Variants in PTPN1 observed in about 807,000 individuals in gnomAD.
PTPN1 encodes the protein protein tyrosine phosphatase non-receptor type 1.
Under a neutral mutation model 59.9 loss-of-function variants are expected in PTPN1, and 12 were observed. That is an observed-to-expected ratio of 0.20 (90% confidence interval 0.13 to 0.32). The LOEUF is 0.32. Ranked by LOEUF, PTPN1 falls within the 10% of genes least tolerant of loss-of-function variation. The pLI is 1.00. For missense variants in PTPN1, 356 were observed against 549.2 expected, an observed-to-expected ratio of 0.65 and a Z score of 3.52; for synonymous variants, 178 against 203.6, an observed-to-expected ratio of 0.87 and a Z score of 1.07.
At chr20:50,537,514 C>T (rs753762173) in intron 1 of PTPN1, among the ~76,000 whole-genome samples, 1 of 152,152 alleles carries the variant, frequency 6.6e-6, no homozygotes, top group Non-Finnish European at 1.5e-5. Context: ...CTCGTATCCA[C>T]GTGTGTATGC....
rs1306213715 is a variant in PTPN1, at chr20:50,568,095, A to G, written c.256-285A>G. Among the ~76,000 whole-genome samples, 1 of 152,218 alleles carries G rather than the reference A, an allele frequency of 6.6e-6. No homozygotes were observed. The highest frequency in any genetic ancestry group is 6.5e-5 in the Admixed American group (1 of 15,290). On this transcript the variant is annotated intron_variant, in intron 3 of 9. Coordinates refer to ENST00000371621, the MANE Select transcript of PTPN1 (RefSeq NM_002827.4). The surrounding 1 kb of genome is among the most constrained non-coding windows in gnomAD (Gnocchi z 5.6). ...GGGACGAATCTCAGTGGAGGCCCTTAGCGGGCCTGCCTGAGCCAGAAAGCA... is the reference window on the plus strand; with the variant it reads ...GGGACGAATCTCAGTGGAGGCCCTTGGCGGGCCTGCCTGAGCCAGAAAGCA...
At chr20:50,531,635 C>T (rs2122736956) in intron 1 of PTPN1, among the ~76,000 whole-genome samples, 1 of 152,306 alleles carries the variant, frequency 6.6e-6, no homozygotes, top group Middle Eastern at 3.4e-3. Context: ...CCTCAGCCTC[C>T]CAAAGTGCTG....
intron 1 of PTPN1, among the ~76,000 whole-genome samples, chr20:50,514,944 A>G (rs1179891998): frequency 1.3e-5 from 2 of 152,110 alleles, no homozygotes; most frequent in East Asian, 1.9e-4. Context: ...GTTGGTCACT[A>G]TGGCATCCTT....
rs6096008 is a variant in PTPN1 at position 50,568,102 on chromosome 20, C to A, written c.256-278C>A. On this transcript the variant is annotated intron_variant, in intron 3 of 9. Transcript: ENST00000371621. This position sits in a 1 kb window ranked among gnomAD's most constrained non-coding sequence, Gnocchi z 5.6. Reference sequence around the variant, plus strand: ...ATCTCAGTGGAGGCCCTTAGCGGGCCTGCCTGAGCCAGAAAGCAGAATCGG... The same window carrying A: ...ATCTCAGTGGAGGCCCTTAGCGGGCATGCCTGAGCCAGAAAGCAGAATCGG... Among the ~76,000 whole-genome samples the A allele has an allele frequency of 6.6e-6, 1 of 152,242 alleles. No homozygotes were observed. The highest frequency in any genetic ancestry group is 6.5e-5 in the Admixed American group (1 of 15,286).
At chr20:50,547,992 A>T (rs543972343) in intron 1 of PTPN1, among the ~76,000 whole-genome samples, 1 of 152,348 alleles carries the variant, frequency 6.6e-6, no homozygotes, top group Non-Finnish European at 1.5e-5. Flanking sequence ...TTAATGCTCT[A>T]TTAAGCTTCC....
rs141248498 is a variant in PTPN1, at chr20:50,579,191, T to C, written c.726T>C (p.Ser242=). The change falls in exon 7 of 10, where the codon TCT becomes TCC. Residue 242 remains serine (S), a synonymous_variant. Transcript: ENST00000371621. ...LLLMDKRKDP[S]SVDIKKVLLE... ...AGATGGACAAGAGGAAAGACCCTTC[T>C]TCCGTTGATATCAAGAAAGTGCTGT... 9 of 1,614,140 alleles carry C rather than the reference T, an allele frequency of 5.6e-6. No homozygotes were observed. The African/African-American group carries it at 6.7e-5, about 12-fold the overall frequency.
intron 1 of PTPN1, among the ~76,000 whole-genome samples, chr20:50,515,786 G>A (rs548760133): frequency 6.6e-6 from 1 of 152,278 alleles, no homozygotes; most frequent in East Asian, 1.9e-4. Context: ...ACATGTTCCT[G>A]GCTCCCACTC....
intron 3 of PTPN1, among the ~76,000 whole-genome samples, chr20:50,567,502 G>C (rs1480398736): frequency 6.6e-6 from 1 of 152,128 alleles, no homozygotes; most frequent in Non-Finnish European, 1.5e-5. Flanking sequence ...AGTGATGCTG[G>C]CCAAGGACAT....
chr20:50,519,871 A>G (rs2082543834), intron 1 of PTPN1, among the ~76,000 whole-genome samples: 1 of 152,122 alleles, frequency 6.6e-6, no homozygotes, highest in Non-Finnish European at 1.5e-5. Context: ...GGAAGTGATA[A>G]GTATGTTAGG....
rs562438679 is a variant in PTPN1 at position 50,542,434 on chromosome 20, G to A, written c.64-18929G>A. Among the ~76,000 whole-genome samples, 3 of 152,298 alleles carry A rather than the reference G, an allele frequency of 2.0e-5. 1 individual carries two copies. The South Asian group carries it at 6.2e-4, about 32-fold the overall frequency. On this transcript the variant is annotated intron_variant, in intron 1 of 9. Coordinates refer to ENST00000371621, the MANE Select transcript of PTPN1 (RefSeq NM_002827.4). The stretch of plus-strand genomic sequence containing the variant: ...GCATGAAAATCTGACTAGATTTAAT[G>A]TTCCTAAAGTTCTTTGTTCATCCTG...
At chr20:50,537,813 C>G (rs1338027439) in intron 1 of PTPN1, among the ~76,000 whole-genome samples, 1 of 152,160 alleles carries the variant, frequency 6.6e-6, no homozygotes, top group Non-Finnish European at 1.5e-5. Flanking sequence ...TGATACCTAA[C>G]CAACAGAGAA....
At chr20:50,517,809 A>T (rs2082535398) in intron 1 of PTPN1, among the ~76,000 whole-genome samples, 1 of 152,150 alleles carries the variant, frequency 6.6e-6, no homozygotes, top group Non-Finnish European at 1.5e-5. Context: ...ATCCTTCTTG[A>T]GGATTAACCA....
At chr20:50,548,473 C>T (rs766731566) in intron 1 of PTPN1, among the ~76,000 whole-genome samples, 15 of 151,654 alleles carry the variant, frequency 9.9e-5, no homozygotes, top group South Asian at 8.3e-4. Flanking sequence ...GCCACCAGGC[C>T]GGAGTGCAGT....
rs1454994663 is a variant in PTPN1 at position 50,583,497 on chromosome 20, G to A, written c.*782G>A. On this transcript the variant is annotated 3_prime_UTR_variant, in exon 10 of 10. Coordinates refer to ENST00000371621, the MANE Select transcript of PTPN1 (RefSeq NM_002827.4). ...AATCACTGCTCCCCCGTGTGTATTA[G>A]AATGCATGTAAGGTCTTCTTGTGTC... 1 of 152,232 alleles carries A rather than the reference G, an allele frequency of 6.6e-6. No individual in the cohort carries two copies. The allele number at this position is 152,232 out of a possible 1,614,324, so 9.4% of individuals were successfully genotyped here.
intron 1 of PTPN1, among the ~76,000 whole-genome samples, chr20:50,510,913 ACT>A (rs1012465033): frequency 2.7e-5 from 4 of 149,464 alleles, no homozygotes; most frequent in Non-Finnish European, 5.9e-5. Context: ...CTGCCTGTCC[ACT>A]CTTTGTCCCC....
chr20:50,572,813 C>G (rs543504155), intron 4 of PTPN1: 1 of 152,354 alleles, frequency 6.6e-6, no homozygotes, highest in Admixed American at 6.5e-5. Context: ...GCCACACCCA[C>G]TTTGGCTAAG....
intron 1 of PTPN1, among the ~76,000 whole-genome samples, chr20:50,523,872 G>A (rs971586888): frequency 2.6e-5 from 4 of 152,156 alleles, no homozygotes; most frequent in African/African-American, 9.7e-5. Flanking sequence ...AAGGAGGAGT[G>A]AGCCTGTATA....
At chr20:50,573,036 TG>T (rs1247251108) in intron 4 of PTPN1, 9 of 152,282 alleles carry the variant, frequency 5.9e-5, no homozygotes, top group Admixed American at 3.9e-4. Flanking sequence ...TGAAGTTTGC[TG>T]TGATGCTGGC....
intron 1 of PTPN1, among the ~76,000 whole-genome samples, chr20:50,546,432 C>A (rs2122758135): frequency 6.6e-6 from 1 of 152,338 alleles, no homozygotes; most frequent in Admixed American, 6.5e-5. Flanking sequence ...AGCACTCTCA[C>A]TTCAAATAAT....
Sources: allele counts gnomAD v4.1 joint callset (sites outside exome capture counted in the v4.1 genomes callset), GRCh38; gene constraint gnomAD v4.1.1; non-coding constraint Gnocchi (gnomAD v3.1); transcripts MANE v1.5; gene names NCBI Gene and HGNC (gene_info 2026-07-23, HGNC 2026-07-21).